PRPSAP1: variants seen among roughly 807,000 people sequenced by gnomAD.
PRPSAP1 encodes the protein phosphoribosyl pyrophosphate synthetase associated protein 1, also known as phosphoribosyl pyrophosphate synthase-associated protein 1.
PRPSAP1 carries 31 observed loss-of-function variants against 39.4 expected under a neutral mutation model. The observed-to-expected ratio is 0.79, with a 90% confidence interval of 0.59 to 1.06. The LOEUF (loss-of-function observed/expected upper bound fraction) is 1.06, where lower values mean the gene tolerates loss of function less well. Ranked by LOEUF, PRPSAP1 falls within the 50% of genes least tolerant of loss-of-function variation. PRPSAP1 has a pLI of 0.00. For synonymous variants in PRPSAP1, 212 were observed against 192.6 expected, an observed-to-expected ratio of 1.10 and a Z score of -0.83; for missense variants, 430 against 511.6, an observed-to-expected ratio of 0.84 and a Z score of 1.54.
chr17:76,346,933 T>A (rs1304324487), intron 2 of PRPSAP1, among the ~76,000 whole-genome samples: 1 of 152,088 alleles, frequency 6.6e-6, no homozygotes, highest in Admixed American at 6.6e-5. Flanking sequence ...GGAACTGTAC[T>A]GGGAACCCCA....
chr17:76,345,767 C>T (rs367732481), intron 2 of PRPSAP1: 1 of 270,138 alleles, frequency 3.7e-6, no homozygotes, highest in Non-Finnish European at 7.3e-6. Context: ...TGACCCCCGA[C>T]TGAGCGCAGT....
At chr17:76,347,894 C>G (rs1179308767) in intron 2 of PRPSAP1, among the ~76,000 whole-genome samples, 1 of 152,088 alleles carries the variant, frequency 6.6e-6, no homozygotes, top group Non-Finnish European at 1.5e-5. Context: ...ATGGGTGGAT[C>G]AAAGATGAGG....
At chr17:76,352,442 G>A (rs1041336460) in intron 1 of PRPSAP1, among the ~76,000 whole-genome samples, 23 of 152,044 alleles carry the variant, frequency 1.5e-4, no homozygotes, top group Non-Finnish European at 7.4e-5. Flanking sequence ...TCAGAAGATC[G>A]AAACCATCCT....
At chr17:76,347,767 T>C (rs1213185251) in intron 2 of PRPSAP1, among the ~76,000 whole-genome samples, 1 of 152,006 alleles carries the variant, frequency 6.6e-6, no homozygotes, top group African/African-American at 2.4e-5. Flanking sequence ...GCGTCTGTTT[T>C]GGAAGGTGTC....
intron 3 of PRPSAP1, among the ~76,000 whole-genome samples, chr17:76,332,717 C>T (rs979921195): frequency 6.6e-6 from 1 of 152,176 alleles, no homozygotes; most frequent in African/African-American, 2.4e-5. Context: ...ACTGCAGTGA[C>T]ATCTGAAGCA....
At chr17:76,312,807 C>A in intron 9 of PRPSAP1, 63 bp downstream of exon 9, 1 of 1,552,922 alleles carries the variant, frequency 6.4e-7, no homozygotes, top group Middle Eastern at 1.7e-4. Flanking sequence ...TTGACTGAAT[C>A]ATTTTATTAT....
At chr17:76,348,632 A>T in intron 1 of PRPSAP1, 51 bp from the exon 2 acceptor site, 3 of 1,422,464 alleles carry the variant, frequency 2.1e-6, no homozygotes, top group Non-Finnish European at 2.8e-6. Context: ...TCTTTTTAAA[A>T]AAATTCCAGT....
chr17:76,327,169 A>G (rs896622309), intron 7 of PRPSAP1, among the ~76,000 whole-genome samples: 3 of 151,330 alleles, frequency 2.0e-5, no homozygotes, highest in African/African-American at 7.3e-5. Flanking sequence ...CCAACATGGT[A>G]AAACCCTGTC....
chr17:76,342,104 C>T (rs1414573221), intron 3 of PRPSAP1, among the ~76,000 whole-genome samples: 2 of 152,264 alleles, frequency 1.3e-5, no homozygotes, highest in African/African-American at 4.8e-5. Flanking sequence ...TGGACCCTCA[C>T]AACCAGAAAT....
At chr17:76,319,641 G>GCT (rs1466850974) in intron 7 of PRPSAP1, among the ~76,000 whole-genome samples, 2 of 151,898 alleles carry the variant, frequency 1.3e-5, no homozygotes, top group African/African-American at 2.4e-5. Context: ...GCTAATTTTT[G>GCT]TAATTTTAGT....
rs1309654221 is a variant in PRPSAP1 at position 76,353,836 on chromosome 17, G to A, written c.-133C>T. On this transcript the variant is annotated 5_prime_UTR_variant, in exon 1 of 10. It adds an upstream start codon to the 5' untranslated region. Coordinates refer to ENST00000446526, the MANE Select transcript of PRPSAP1 (RefSeq NM_002766.3). ...GCAAGCGGGGAGAGCTCCGAGGTCC[G>A]TGCCCTTGCGCACCCCACACCACTG... The A allele has an allele frequency of 2.9e-6, 4 of 1,378,548 alleles. No homozygotes were observed. The highest frequency in any genetic ancestry group is 1.5e-5 in the African/African-American group (1 of 64,916). 85.4% of individuals were successfully genotyped at this position (1,378,548 alleles called of 1,614,324 possible).
chr17:76,330,718 TACAGTGG>T (rs1435192955), intron 4 of PRPSAP1, 52 bp from the exon 5 acceptor site: 2 of 1,193,846 alleles, frequency 1.7e-6, no homozygotes, highest in East Asian at 2.4e-5. Context: ...GGTAAATGGC[TACAGTGG>T]ACCTAAACTA....
At chr17:76,353,325 C>A (rs2071600361) in intron 1 of PRPSAP1, 1 of 537,430 alleles carries the variant, frequency 1.9e-6, no homozygotes, top group Admixed American at 4.2e-5. Context: ...GGGCTGAGGT[C>A]ACCGAGAGTC....
chr17:76,340,251 A>G (rs2071421576), intron 3 of PRPSAP1, among the ~76,000 whole-genome samples: 1 of 151,706 alleles, frequency 6.6e-6, no homozygotes, highest in Non-Finnish European at 1.5e-5. Context: ...CTCCCAAAGT[A>G]CTAGGATTAA....
intron 9 of PRPSAP1, 129 bp from the exon 10 acceptor site, chr17:76,311,829 G>T: frequency 9.0e-7 from 1 of 1,115,814 alleles, no homozygotes; most frequent in Non-Finnish European, 1.2e-6. Context: ...TTGTTCCACC[G>T]AGTATAGTTT....
intron 7 of PRPSAP1, among the ~76,000 whole-genome samples, chr17:76,323,996 A>C (rs1010242242): frequency 3.3e-5 from 5 of 151,770 alleles, no homozygotes; most frequent in Non-Finnish European, 7.4e-5. Flanking sequence ...TAATACAAAA[A>C]TTAGGCGGGT....
chr17:76,353,362 CG>C lies in PRPSAP1; in HGVS notation c.170+171del, dbSNP rs2071600818. 4.6e-6 allele frequency: 3 copies of C among 649,172 alleles called. No homozygotes were observed. In the East Asian group the frequency reaches 1.0e-4, roughly 23 times the overall value. The allele number at this position is 649,172 out of a possible 1,614,324, so 40.2% of individuals were successfully genotyped here. A position where few individuals can be genotyped will look rare whatever the true frequency, so the allele number is the denominator to read the frequency against. The stretch of plus-strand genomic sequence containing the variant: ...GCCCCAAGCCTCCCAGCTGCAAAAC[CG>C]GGGAGCGGGGGGCGGTATCCGTCAC... On this transcript the variant is annotated intron_variant, in intron 1 of 9. Transcript: ENST00000446526.
At chr17:76,323,466 C>T (rs372230) in intron 7 of PRPSAP1, among the ~76,000 whole-genome samples, 44,878 of 151,516 alleles carry the variant, frequency 0.3, 7,607 homozygotes, top group African/African-American at 0.46. Context: ...ATGAAGAACA[C>T]GCGTGATTCA....
chr17:76,344,820 C>A (rs2071478356), intron 2 of PRPSAP1, 83 bp from the exon 3 acceptor site: 2 of 1,063,988 alleles, frequency 1.9e-6, no homozygotes, highest in Non-Finnish European at 2.8e-6. Context: ...GTACTTCATG[C>A]CGGGCGCGGT....
Sources: gnomAD v4.1 joint callset for allele counts (sites outside exome capture counted in the v4.1 genomes callset) on GRCh38, gnomAD v4.1.1 for gene constraint, MANE v1.5 for transcripts, NCBI Gene and HGNC (gene_info 2026-07-23, HGNC 2026-07-21) for gene names.